The following DPP6 variants were observed in gnomAD, a reference collection of about 807,000 sequenced individuals.
DPP6 encodes dipeptidyl peptidase like 6.
In DPP6, 69 loss-of-function variants were observed where a neutral mutation model predicts 122.6. The ratio of observed to expected loss-of-function variants is 0.56; its 90% CI spans 0.46 to 0.69. DPP6 has a LOEUF of 0.69. Ranked by LOEUF, DPP6 falls within the 30% of genes least tolerant of loss-of-function variation. DPP6 has a pLI of 0.00. For synonymous variants in DPP6, 418 were observed against 433.1 expected (o/e 0.97, Z 0.43); for missense variants, 928 against 1,116.9 (o/e 0.83, Z 2.41).
intron 17 of DPP6, among the ~76,000 whole-genome samples, chr7:154,859,836 A>T (rs1382636343): frequency 6.6e-6 from 1 of 152,212 alleles, no homozygotes; most frequent in Non-Finnish European, 1.5e-5. Flanking sequence ...AGAGACGTGG[A>T]TGCCAACTCG....
At chr7:154,125,312 A>G (rs542420557) in intron 1 of DPP6, among the ~76,000 whole-genome samples, 8 of 152,220 alleles carry the variant, frequency 5.3e-5, no homozygotes, top group Non-Finnish European at 5.9e-5. Context: ...TCAGAGTCCT[A>G]CCTGCTTCTG....
chr7:153,976,979 G>T (rs1215191882), intron 1 of DPP6, among the ~76,000 whole-genome samples: 1 of 152,226 alleles, frequency 6.6e-6, no homozygotes, highest in Non-Finnish European at 1.5e-5. Context: ...TCAGGGGATA[G>T]CACCCTCTGC....
rs371520605 is a variant in DPP6, at chr7:154,131,113, T to C, written c.243+78050T>C. ...GGGAGAGGGTGGGTTAGATCTCTGC[T>C]TTCCACAAGTTCTAAAAAATGTTCA... On this transcript the variant is annotated intron_variant, in intron 1 of 25. Coordinates refer to ENST00000377770, the MANE Select transcript of DPP6 (RefSeq NM_130797.4). Among the ~76,000 whole-genome samples the C allele has an allele frequency of 7.2e-5, 11 of 152,248 alleles. No homozygotes were observed. In the South Asian group the frequency reaches 2.1e-3, roughly 29 times the overall value.
At chr7:154,123,362 A>T (rs527276413) in intron 1 of DPP6, among the ~76,000 whole-genome samples, 8 of 152,322 alleles carry the variant, frequency 5.3e-5, no homozygotes, top group African/African-American at 1.9e-4. Context: ...CTCAATCTGA[A>T]AGCTCTTTCT....
intron 1 of DPP6, among the ~76,000 whole-genome samples, chr7:154,313,716 C>CATAT (rs1563460534): frequency 9.0e-5 from 2 of 22,298 alleles, no homozygotes; most frequent in African/African-American, 1.1e-4. Context: ...TATATATATA[C>CATAT]ACACACACGC....
In DPP6 at chr7:154,078,763, G is replaced by C. The variant is rs769229287; in HGVS notation, c.243+25700G>C. ...CTTGACACACGAAAGAACATGAAAA[G>C]CATTGGAATCAAGGAAAGCCACCTG... is the stretch of plus-strand genomic sequence containing the variant. On this transcript the variant is annotated intron_variant, in intron 1 of 25. Coordinates refer to ENST00000377770, the MANE Select transcript of DPP6 (RefSeq NM_130797.4). 5.9e-5 allele frequency among the ~76,000 whole-genome samples: 9 copies of C among 152,202 alleles called. No homozygotes were observed. In the South Asian group the frequency reaches 1.4e-3, roughly 25 times the overall value.
intron 1 of DPP6, among the ~76,000 whole-genome samples, chr7:154,347,597 A>C (rs1472169693): frequency 6.6e-6 from 1 of 152,238 alleles, no homozygotes; most frequent in East Asian, 1.9e-4. Flanking sequence ...ATACATATAA[A>C]TATGCCTATC....
Position 153,910,199 on chromosome 7 carries a change from G to T in DPP6, c.51+22465G>T, listed in dbSNP as rs542549658. ...AGGAGGCCATTTTCACCCTTCCAGG[G>T]CCTGGCAGCACTTTTTTGACCACTT... On this transcript the variant is annotated intron_variant, in intron 1 of 25. Coordinates refer to the DPP6 transcript ENST00000404039. Among the ~76,000 whole-genome samples the T allele has an allele frequency of 6.7e-5, 10 of 150,096 alleles. No individual in the cohort carries two copies. In the East Asian group the frequency reaches 9.8e-4, roughly 15 times the overall value.
At chr7:154,409,009 T>C (rs369992224) in intron 1 of DPP6, among the ~76,000 whole-genome samples, 1 of 152,040 alleles carries the variant, frequency 6.6e-6, no homozygotes, top group East Asian at 1.9e-4. Flanking sequence ...CAGGTGGTAG[T>C]GGTGCATGCC....
At chr7:153,901,888 T>G (rs1799652875) in intron 1 of DPP6, among the ~76,000 whole-genome samples, 1 of 152,200 alleles carries the variant, frequency 6.6e-6, no homozygotes, top group Non-Finnish European at 1.5e-5. Context: ...TTGAGCTCCT[T>G]AATATTAAAT....
chr7:154,389,568 C>G (rs1392326101), intron 1 of DPP6, among the ~76,000 whole-genome samples: 3 of 151,998 alleles, frequency 2.0e-5, no homozygotes, highest in Non-Finnish European at 2.9e-5. Context: ...GAATTCATGT[C>G]AAACAATAAT....
chr7:153,966,146 C>G (rs2969628), intron 1 of DPP6, among the ~76,000 whole-genome samples: 43,607 of 68,840 alleles, frequency 0.63, 15,164 homozygotes, highest in East Asian at 0.85. Context: ...CGACCCCTCT[C>G]GTGGCGTTGA....
the DPP6 span, among the ~76,000 whole-genome samples, chr7:153,871,985 G>A: frequency 1.2e-4 from 18 of 152,174 alleles, no homozygotes; most frequent in African/African-American, 4.1e-4. Context: ...CAATTTTTAC[G>A]CTTTCTGAAT....
chr7:154,544,114 T>C (rs1202917127), intron 4 of DPP6, among the ~76,000 whole-genome samples: 3 of 147,120 alleles, frequency 2.0e-5, no homozygotes, highest in South Asian at 2.1e-4. Context: ...ATAAAACAAA[T>C]ATATATACAC....
rs116459911 is a variant in DPP6, at chr7:154,696,915, A to G, written c.762+27474A>G. ...TGGTCAGAAATCATGTCTAAGTCTCACACAGGCAGGAAAATGCGACAGTGA... is the reference window on the plus strand; with the variant it reads ...TGGTCAGAAATCATGTCTAAGTCTCGCACAGGCAGGAAAATGCGACAGTGA... On this transcript the variant is annotated intron_variant, in intron 7 of 25. Coordinates refer to ENST00000377770, the MANE Select transcript of DPP6 (RefSeq NM_130797.4). 9.4e-3 allele frequency among the ~76,000 whole-genome samples: 1,436 copies of G among 152,272 alleles called. 21 individuals are homozygous for G. The highest frequency in any genetic ancestry group is 0.033 in the African/African-American group (1,354 of 41,558).
chr7:154,036,193 C>T (rs1349955826), intron 1 of DPP6, among the ~76,000 whole-genome samples: 1 of 151,124 alleles, frequency 6.6e-6, no homozygotes, highest in Non-Finnish European at 1.5e-5. Context: ...GTACTGCAAC[C>T]TCCGCCTCAC....
intron 5 of DPP6, among the ~76,000 whole-genome samples, chr7:154,609,999 A>G (rs1833807250): frequency 6.6e-6 from 1 of 152,182 alleles, no homozygotes; most frequent in Admixed American, 6.5e-5. Context: ...ACTAAAAACA[A>G]TCCATTCATT....
upstream of DPP6, among the ~76,000 whole-genome samples, chr7:153,883,104 G>A (rs1387657866): frequency 1.3e-5 from 2 of 151,940 alleles, no homozygotes; most frequent in East Asian, 1.9e-4. Context: ...CCCCGTTTGC[G>A]AAAATGTTGA....
chr7:154,702,107 G>C (rs71534163), intron 7 of DPP6, among the ~76,000 whole-genome samples: 3,967 of 152,270 alleles, frequency 0.026, 61 homozygotes, highest in Non-Finnish European at 0.04. Flanking sequence ...AGTGATCTTT[G>C]ATGTTACTGA....
Sources: gnomAD v4.1 joint callset for allele counts (sites outside exome capture counted in the v4.1 genomes callset) on GRCh38, gnomAD v4.1.1 for gene constraint, MANE v1.5 for transcripts, NCBI Gene and HGNC (gene_info 2026-07-23, HGNC 2026-07-21) for gene names.